The following RIN3 variants were observed in gnomAD, a reference collection of about 807,000 sequenced individuals.
The protein encoded by RIN3 is Ras and Rab interactor 3.
RIN3 carries 54 observed loss-of-function variants against 76.3 expected under a neutral mutation model. The observed-to-expected ratio is 0.71, with a 90% CI of 0.57 to 0.89. RIN3 has a LOEUF of 0.89. Among genes scored for constraint, RIN3 ranks in the 40% least tolerant of loss-of-function variants. RIN3 has a pLI of 0.00. For missense variants in RIN3, 1,256 were observed against 1,322.1 expected (o/e 0.95, Z 0.78); for synonymous variants, 576 against 564.0 (o/e 1.02, Z -0.30).
chr14:92,579,364 C>G (rs1898366521), intron 3 of RIN3, among the ~76,000 whole-genome samples: 1 of 152,222 alleles, frequency 6.6e-6, no homozygotes, highest in Non-Finnish European at 1.5e-5. Context: ...AACTAAATTC[C>G]TCCCAGAGTT....
Position 92,659,109 on chromosome 14 carries a change from GC to G in RIN3, c.2027-51del. 3.2e-6 allele frequency: 5 copies of G among 1,557,908 alleles called. No individual in the cohort carries two copies. The South Asian group carries it at 5.7e-5, about 18-fold the overall frequency. The stretch of plus-strand genomic sequence containing the variant: ...TGCTGTTGGGCAACAGAACCAGGTG[GC>G]AGGATCCCTGCATCTGGTTTCCTCA... On this transcript the variant is annotated intron_variant, in intron 6 of 9. Coordinates refer to ENST00000216487, the MANE Select transcript of RIN3 (RefSeq NM_024832.5).
Position 92,688,261 on chromosome 14 carries a change from C to G in RIN3, c.*9C>G. 3.2e-6 allele frequency: 5 copies of G among 1,560,392 alleles called. No individual in the cohort carries two copies. Among genetic ancestry groups the G allele is most frequent in the Non-Finnish European group, 4.3e-6 (5 of 1,155,446 alleles). On this transcript the variant is annotated 3_prime_UTR_variant, in exon 10 of 10. Coordinates refer to ENST00000216487, the MANE Select transcript of RIN3 (RefSeq NM_024832.5). ...AGCCCAACTTCCTGTGAGGCCCTCC[C>G]GGGGCGCCTCCCCTCACCCCCAGGC... is the stretch of plus-strand genomic sequence containing the variant.
At chr14:92,553,734 G>C (rs146290754) in intron 1 of RIN3, among the ~76,000 whole-genome samples, 1 of 152,080 alleles carries the variant, frequency 6.6e-6, no homozygotes, top group Non-Finnish European at 1.5e-5. Flanking sequence ...TTTTCTCCCC[G>C]GGTACAGACT....
At chr14:92,517,465 C>G (rs1408570860) in intron 1 of RIN3, among the ~76,000 whole-genome samples, 4 of 152,106 alleles carry the variant, frequency 2.6e-5, no homozygotes, top group African/African-American at 9.7e-5. Flanking sequence ...TCAGAAAGAG[C>G]CTTAACATGG....
chr14:92,573,793 G>T (rs2140054723), intron 2 of RIN3, among the ~76,000 whole-genome samples: 1 of 152,362 alleles, frequency 6.6e-6, no homozygotes, highest in Middle Eastern at 3.4e-3. Flanking sequence ...CAAGGAGGCA[G>T]CTCCACCTTG....
intron 4 of RIN3, among the ~76,000 whole-genome samples, chr14:92,631,647 C>A (rs2140120717): frequency 6.6e-6 from 1 of 152,178 alleles, no homozygotes; most frequent in East Asian, 1.9e-4. Context: ...TGTCACCAGG[C>A]TGGAGTGCAG....
chr14:92,577,539 T>C, intron 3 of RIN3, 62 bp downstream of exon 3: 1 of 1,037,868 alleles, frequency 9.6e-7, no homozygotes, highest in Non-Finnish European at 1.5e-6. Context: ...GCAGAGAGGC[T>C]GCACCTTCTA....
At chr14:92,614,342 C>T (rs1046994188) in intron 3 of RIN3, among the ~76,000 whole-genome samples, 3 of 152,222 alleles carry the variant, frequency 2.0e-5, no homozygotes, top group African/African-American at 7.2e-5. Context: ...GGGCAACACC[C>T]TTCCTCCTGG....
Position 92,681,356 on chromosome 14 carries a change from G to A in RIN3, c.2468-3631G>A, listed in dbSNP as rs538281641. Among the ~76,000 whole-genome samples the A allele has an allele frequency of 9.2e-5, 14 of 152,346 alleles. No individual in the cohort carries two copies. Among genetic ancestry groups the A allele is most frequent in the Non-Finnish European group, 1.3e-4 (9 of 68,032 alleles). ...CCAGCACCAAGAGTGCAGCAGTAGG[G>A]CGTGGCTGCTCCCCTTTCACCTGCG... On this transcript the variant is annotated intron_variant, in intron 8 of 9. Coordinates refer to ENST00000216487, the MANE Select transcript of RIN3 (RefSeq NM_024832.5). This position sits in a 1 kb window ranked among gnomAD's most constrained non-coding sequence, Gnocchi z 4.7.
At chr14:92,560,463 C>G (rs1022871080) in intron 2 of RIN3, among the ~76,000 whole-genome samples, 1 of 152,132 alleles carries the variant, frequency 6.6e-6, no homozygotes, top group Non-Finnish European at 1.5e-5. Context: ...TGTGCTGTTA[C>G]GAAGATTGGC....
intron 1 of RIN3, among the ~76,000 whole-genome samples, chr14:92,521,616 C>T (rs752451339): frequency 2.0e-5 from 3 of 152,156 alleles, no homozygotes; most frequent in Non-Finnish European, 4.4e-5. Flanking sequence ...CCCCCTTCCC[C>T]TTCCACCATG....
intron 1 of RIN3, chr14:92,515,345 A>T (rs897340577): frequency 2.9e-6 from 2 of 681,090 alleles, no homozygotes; most frequent in African/African-American, 3.5e-5. Context: ...CTCAGGGAGG[A>T]AGGGGAGGTG....
chr14:92,536,697 G>A (rs371666311), intron 1 of RIN3, among the ~76,000 whole-genome samples: 36 of 149,002 alleles, frequency 2.4e-4, no homozygotes, highest in East Asian at 2.0e-3. Context: ...AGCTGAGATC[G>A]CGCCACTGCA....
In RIN3 at chr14:92,547,592, C is replaced by T. The variant is rs141216604; in HGVS notation, c.45-8159C>T. Among the ~76,000 whole-genome samples the T allele has an allele frequency of 7.7e-3, 1,175 of 151,952 alleles. 17 individuals are homozygous for T. The highest frequency in any genetic ancestry group is 0.026 in the African/African-American group (1,085 of 41,420). On this transcript the variant is annotated intron_variant, in intron 1 of 9. Transcript: ENST00000216487. ...TTAATTTTTTGTAGAGATAGTGTCTCACCACGTTGCCCAAGCTGGTCTCAA... is the reference window on the plus strand; with the variant it reads ...TTAATTTTTTGTAGAGATAGTGTCTTACCACGTTGCCCAAGCTGGTCTCAA...
intron 3 of RIN3, among the ~76,000 whole-genome samples, chr14:92,598,297 G>C (rs1348434252): frequency 6.6e-6 from 1 of 152,130 alleles, no homozygotes; most frequent in African/African-American, 2.4e-5. Context: ...AGCTATTCCT[G>C]CTAAGGCACC....
Position 92,681,645 on chromosome 14 carries a change from C to G in RIN3, c.2468-3342C>G, listed in dbSNP as rs1362373918. Among the ~76,000 whole-genome samples the G allele has an allele frequency of 2.0e-5, 3 of 152,178 alleles. No homozygotes were observed. The highest frequency in any genetic ancestry group is 2.9e-5 in the Non-Finnish European group (2 of 68,032). ...GCACACTGCACTCACCTCTTCCATT[C>G]CCAGCCAGGAAGACATAAGCCAGAC... On this transcript the variant is annotated intron_variant, in intron 8 of 9. Transcript: ENST00000216487. The surrounding 1 kb of genome is among the most constrained non-coding windows in gnomAD (Gnocchi z 4.7).
chr14:92,628,648 G>T (rs755038536), intron 4 of RIN3, among the ~76,000 whole-genome samples: 9 of 152,186 alleles, frequency 5.9e-5, no homozygotes, highest in Non-Finnish European at 8.8e-5. Flanking sequence ...GGAACTGGAG[G>T]CTGGGTGGGT....
chr14:92,561,931 C>A (rs145290032), intron 2 of RIN3, among the ~76,000 whole-genome samples: 2,326 of 152,280 alleles, frequency 0.015, 63 homozygotes, highest in African/African-American at 0.053. Context: ...AGCAATCCTC[C>A]CACCTCGGCC....
rs1887088538 is a variant in RIN3 at position 92,643,484 on chromosome 14, C to G, written c.532+2155C>G. On this transcript the variant is annotated intron_variant, in intron 5 of 9. Transcript: ENST00000216487. This position sits in a 1 kb window ranked among gnomAD's most constrained non-coding sequence, Gnocchi z 4.8. ...TTCCCAGAATGTTAGTTGTTGGGCTCCAACCCTCCCAGGATCTTGGATGTG... is the reference window on the plus strand; with the variant it reads ...TTCCCAGAATGTTAGTTGTTGGGCTGCAACCCTCCCAGGATCTTGGATGTG... 6.6e-6 allele frequency among the ~76,000 whole-genome samples: 1 copy of G among 152,338 alleles called. No individual in the cohort carries two copies. The highest frequency in any genetic ancestry group is 1.9e-4 in the East Asian group (1 of 5,194).
Sources: allele counts gnomAD v4.1 joint callset (sites outside exome capture counted in the v4.1 genomes callset), GRCh38; gene constraint gnomAD v4.1.1; non-coding constraint Gnocchi (gnomAD v3.1); transcripts MANE v1.5; gene names NCBI Gene and HGNC (gene_info 2026-07-23, HGNC 2026-07-21).